Variants in LDLRAP1 observed in about 807,000 individuals in gnomAD.
LDLRAP1 encodes low density lipoprotein receptor adapter protein 1.
In LDLRAP1, 30 loss-of-function variants were observed where a neutral mutation model predicts 37.8. That is an observed-to-expected ratio of 0.79 (90% confidence interval 0.59 to 1.08). The LOEUF is 1.08. Ranked by LOEUF, LDLRAP1 falls within the 50% of genes least tolerant of loss-of-function variation. LDLRAP1 has a pLI of 0.00. For synonymous variants in LDLRAP1, 156 were observed against 169.8 expected, an observed-to-expected ratio of 0.92 and a Z score of 0.63; for missense variants, 375 against 401.6, an observed-to-expected ratio of 0.93 and a Z score of 0.57.
At chr1:25,557,717 T>C (rs900242255) in intron 4 of LDLRAP1, among the ~76,000 whole-genome samples, 1 of 151,526 alleles carries the variant, frequency 6.6e-6, no homozygotes, top group Non-Finnish European at 1.5e-5. Flanking sequence ...CAATGGCTGT[T>C]TCTTGGTGCC....
At chr1:25,558,251 C>T (rs2044257681) in intron 4 of LDLRAP1, among the ~76,000 whole-genome samples, 1 of 152,120 alleles carries the variant, frequency 6.6e-6, no homozygotes, top group Non-Finnish European at 1.5e-5. Flanking sequence ...AGCTCTGAGC[C>T]CCAGTCCCCA....
At chr1:25,558,607 G>A (rs2044266627) in intron 4 of LDLRAP1, among the ~76,000 whole-genome samples, 1 of 151,958 alleles carries the variant, frequency 6.6e-6, no homozygotes, top group Non-Finnish European at 1.5e-5. Flanking sequence ...AGGTTTGTGG[G>A]CCTGTCCTCA....
chr1:25,586,573 T>TGCGTGTGC, the LDLRAP1 span, among the ~76,000 whole-genome samples: 2 of 148,838 alleles, frequency 1.3e-5, no homozygotes, highest in Admixed American at 6.8e-5. This position sits in a 1 kb window ranked among gnomAD's most constrained non-coding sequence, Gnocchi z 4.3. Context: ...TGCGTGTGTG[T>TGCGTGTGC]GCGTGTGCGC....
chr1:25,550,722 T>C (rs1196565239), intron 1 of LDLRAP1, among the ~76,000 whole-genome samples: 1 of 152,178 alleles, frequency 6.6e-6, no homozygotes, highest in African/African-American at 2.4e-5. Flanking sequence ...GCTTCAGTTG[T>C]ATCATCAAGT....
chr1:25,566,801 C>T (rs370303987), intron 8 of LDLRAP1, 47 bp from the exon 9 acceptor site: 155 of 1,583,586 alleles, frequency 9.8e-5, no homozygotes, highest in African/African-American at 9.0e-4. Context: ...CCCTGGGGCG[C>T]GCCAGCCCTC....
Position 25,557,273 on chromosome 1 carries a change from C to T in LDLRAP1, c.459+6C>T, listed in dbSNP as rs762507383. On this transcript the variant is annotated splice_donor_region_variant and intron_variant, in intron 4 of 8. Transcript: ENST00000374338. ...TCTGCACCAAGCGGAAGATGGTCAG[C>T]GGGGAGGGCTGGGGCGGGGACAGGG... 8.2e-5 allele frequency: 81 copies of T among 990,992 alleles called. 1 individual carries two copies. Among genetic ancestry groups the T allele is most frequent in the South Asian group, 1.5e-4 (12 of 79,354 alleles). 61.4% of individuals were successfully genotyped at this position (990,992 alleles called of 1,614,324 possible).
chr1:25,555,200 G>A lies in LDLRAP1; in HGVS notation c.344+228G>A, dbSNP rs551193005. 6.6e-6 allele frequency among the ~76,000 whole-genome samples: 1 copy of A among 152,336 alleles called. No individual in the cohort carries two copies. Among genetic ancestry groups the A allele is most frequent in the East Asian group, 1.9e-4 (1 of 5,190 alleles). On this transcript the variant is annotated intron_variant, in intron 3 of 8. Transcript: ENST00000374338. This position sits in a 1 kb window ranked among gnomAD's most constrained non-coding sequence, Gnocchi z 4.7. ...AGCATTTGGTTAAGTGGCAGCTGCTGCTGTCATCATCACCAGTTGCAGAAG... is the reference window on the plus strand; with the variant it reads ...AGCATTTGGTTAAGTGGCAGCTGCTACTGTCATCATCACCAGTTGCAGAAG...
At chr1:25,582,317 T>G in the LDLRAP1 span, among the ~76,000 whole-genome samples, 6 of 152,350 alleles carry the variant, frequency 3.9e-5, no homozygotes, top group South Asian at 6.2e-4. Flanking sequence ...CTGGGCGTGG[T>G]GGCTCACGCC....
chr1:25,549,475 G>A (rs994200698), intron 1 of LDLRAP1, among the ~76,000 whole-genome samples: 1 of 152,174 alleles, frequency 6.6e-6, no homozygotes, highest in Admixed American at 6.5e-5. Flanking sequence ...GGTGGTTGGG[G>A]GACCTTAACA....
At chr1:25,551,504 T>G (rs1170276846) in intron 1 of LDLRAP1, among the ~76,000 whole-genome samples, 1 of 152,188 alleles carries the variant, frequency 6.6e-6, no homozygotes, top group East Asian at 1.9e-4. Flanking sequence ...GTGATGGTAA[T>G]AGCTATGGCT....
downstream of LDLRAP1, among the ~76,000 whole-genome samples, chr1:25,569,471 T>G (rs1164106091): frequency 1.3e-5 from 2 of 152,124 alleles, no homozygotes; most frequent in African/African-American, 4.8e-5. Context: ...ACTTGGAGGC[T>G]GTGACACTTG....
chr1:25,557,434 G>A, intron 4 of LDLRAP1, 167 bp downstream of exon 4: 1 of 622,032 alleles, frequency 1.6e-6, no homozygotes, highest in Non-Finnish European at 2.9e-6. Context: ...AAGGGGTACA[G>A]TGGTGGGGCT....
intron 4 of LDLRAP1, 56 bp downstream of exon 4, chr1:25,557,323 C>T: frequency 7.2e-7 from 1 of 1,386,478 alleles, no homozygotes; most frequent in Non-Finnish European, 1.0e-6. Context: ...CAGCCTTGCT[C>T]TGGGTGGGGG....
At position 25,563,766 on chromosome 1, in the gene LDLRAP1, C is replaced by G. The variant is rs533527945; in HGVS notation, c.722C>G (p.Ala241Gly). 2 of 1,614,008 alleles carry G rather than the reference C, an allele frequency of 1.2e-6. No individual in the cohort carries two copies. The highest frequency in any genetic ancestry group is 1.3e-5 in the African/African-American group (1 of 75,070). ...TNMDEVPRPQ[A>G]LSGSSVVWEL... The stretch of plus-strand genomic sequence containing the variant: ...ATGGACGAGGTGCCGCGGCCACAAG[C>G]CTTGAGTGGCAGCAGTGTTGTCTGG... Residue 241 changes from alanine (A) to glycine (G), a missense_variant, in exon 7 of 9, where the codon GCC (alanine) becomes GGC (glycine). Transcript: ENST00000374338.
intron 3 of LDLRAP1, among the ~76,000 whole-genome samples, chr1:25,556,345 T>G (rs530512887): frequency 1.3e-5 from 2 of 152,106 alleles, no homozygotes; most frequent in East Asian, 3.9e-4. Context: ...GGCCCCTAGG[T>G]TACAGGTGCG....
chr1:25,564,047 C>T (rs181856230), intron 7 of LDLRAP1: 33 of 524,340 alleles, frequency 6.3e-5, no homozygotes, highest in East Asian at 2.8e-4. Context: ...TGAGCGTCCA[C>T]GGCTCTGCCC....
the LDLRAP1 span, among the ~76,000 whole-genome samples, chr1:25,582,264 G>A: frequency 3.3e-5 from 5 of 152,270 alleles, no homozygotes; most frequent in African/African-American, 7.2e-5. Context: ...TACTTCCCCC[G>A]CTCTATTTTA....
intron 4 of LDLRAP1, among the ~76,000 whole-genome samples, chr1:25,557,699 G>A (rs1048107628): frequency 3.3e-5 from 5 of 152,146 alleles, no homozygotes; most frequent in Non-Finnish European, 7.4e-5. Flanking sequence ...TGACTGGAGT[G>A]TGGAGGGCAA....
intron 1 of LDLRAP1, among the ~76,000 whole-genome samples, chr1:25,546,743 A>G (rs1279513109): frequency 2.6e-5 from 4 of 152,234 alleles, no homozygotes; most frequent in Admixed American, 6.5e-5. Flanking sequence ...GGGAGGATAT[A>G]ATCATATTTA....
Sources: gnomAD v4.1 joint callset for allele counts (sites outside exome capture counted in the v4.1 genomes callset) on GRCh38, gnomAD v4.1.1 for gene constraint, Gnocchi (gnomAD v3.1) non-coding constraint, MANE v1.5 for transcripts, NCBI Gene and HGNC (gene_info 2026-07-23, HGNC 2026-07-21) for gene names.